Variants in ABCC4 observed in about 807,000 individuals in gnomAD.
ABCC4 encodes the protein ATP binding cassette subfamily C member 4 (PEL blood group).
A neutral mutation model predicts 168.5 loss-of-function variants in ABCC4; 102 were observed. That is an observed-to-expected ratio of 0.61 (90% confidence interval 0.52 to 0.71). The LOEUF (loss-of-function observed/expected upper bound fraction) is 0.71. ABCC4 is among the 30% of genes least tolerant of loss of function. ABCC4 has a pLI of 0.00. For synonymous variants in ABCC4, 617 were observed against 590.7 expected (o/e 1.04, Z -0.65); for missense variants, 1,402 against 1,605.8 (o/e 0.87, Z 2.17).
intron 27 of ABCC4, among the ~76,000 whole-genome samples, chr13:95,045,199 C>T (rs776428048): frequency 1.4e-4 from 21 of 152,168 alleles, no homozygotes; most frequent in African/African-American, 4.1e-4. Context: ...GTGAAAGGAT[C>T]TTTCTGGTTG....
intron 4 of ABCC4, among the ~76,000 whole-genome samples, chr13:95,213,105 C>T (rs574877626): frequency 3.5e-5 from 5 of 144,738 alleles, no homozygotes; most frequent in African/African-American, 1.0e-4. Flanking sequence ...CCAGCTTCGG[C>T]GACTGAGCAA....
chr13:95,061,246 G>A (rs995888275), intron 26 of ABCC4, among the ~76,000 whole-genome samples: 4 of 152,144 alleles, frequency 2.6e-5, no homozygotes, highest in Admixed American at 1.3e-4. Context: ...AAGTGGAACT[G>A]CTGGATCACA....
chr13:95,047,729 C>T (rs1255288465), intron 27 of ABCC4, among the ~76,000 whole-genome samples: 1 of 152,032 alleles, frequency 6.6e-6, no homozygotes, highest in East Asian at 1.9e-4. Context: ...GTGATCCACC[C>T]GCCTCGGCCT....
chr13:95,299,523 C>G (rs1257863562), intron 1 of ABCC4, among the ~76,000 whole-genome samples: 2 of 152,046 alleles, frequency 1.3e-5, no homozygotes, highest in Non-Finnish European at 2.9e-5. Context: ...CATGGGCTGC[C>G]AAATTCGTAA....
chr13:95,282,221 G>A lies in ABCC4; in HGVS notation c.74+19020C>T, dbSNP rs538922060. Among the ~76,000 whole-genome samples the A allele has an allele frequency of 2.6e-5, 4 of 152,234 alleles. No individual in the cohort carries two copies. The South Asian group carries it at 6.2e-4, about 24-fold the overall frequency. On this transcript the variant is annotated intron_variant, in intron 1 of 30. Transcript: ENST00000645237. ...TCAGGACTCCAACATGCGAACTTTG[G>A]GGGGACATAATTCAGCCCGTAATAT...
chr13:95,141,219 G>T (rs941905255), intron 19 of ABCC4, among the ~76,000 whole-genome samples: 1 of 152,202 alleles, frequency 6.6e-6, no homozygotes, highest in Non-Finnish European at 1.5e-5. Context: ...ACAAGTCGGA[G>T]GCAAAGGCAA....
chr13:95,209,886 C>T (rs2038904189), intron 5 of ABCC4, among the ~76,000 whole-genome samples: 1 of 152,246 alleles, frequency 6.6e-6, no homozygotes, highest in Admixed American at 6.5e-5. Context: ...TTCCAGAACT[C>T]TCTGCCACAG....
Position 95,164,366 on chromosome 13 carries a change from G to A in ABCC4, c.2175+12C>T, listed in dbSNP as rs2037203561. On this transcript the variant is annotated intron_variant, in intron 16 of 30. Transcript: ENST00000645237. ...ATCATTTTGAGGGCGCAAAACAAAT[G>A]TCATTATTTACCTGAGCTGCAGTGT... 1 of 1,613,756 alleles carries A rather than the reference G, an allele frequency of 6.2e-7. No homozygotes were observed. Among genetic ancestry groups the A allele is most frequent in the East Asian group, 2.2e-5 (1 of 44,856 alleles).
At chr13:95,059,551 G>A (rs751870382) in intron 26 of ABCC4, among the ~76,000 whole-genome samples, 4 of 152,180 alleles carry the variant, frequency 2.6e-5, no homozygotes, top group Admixed American at 1.3e-4. Flanking sequence ...AGACCGGGGT[G>A]GGGGAAAGCC....
At chr13:95,023,240 G>T (rs2031198624) in intron 30 of ABCC4, among the ~76,000 whole-genome samples, 1 of 152,240 alleles carries the variant, frequency 6.6e-6, no homozygotes, top group Middle Eastern at 3.4e-3. Flanking sequence ...TAAAGAAAGT[G>T]TTGTTATTAG....
At chr13:95,282,086 ACAACAGAGCCACTGCACTCCAGCCTGGG>A (rs1167625441) in intron 1 of ABCC4, among the ~76,000 whole-genome samples, 3 of 151,568 alleles carry the variant, frequency 2.0e-5, no homozygotes, top group African/African-American at 7.3e-5. Context: ...TCCAGCCTGG[ACAACAGAGCCACTGCACTCCAGCCTGGG>A]CAACAGAGAG....
chr13:95,298,104 C>T (rs941089168), intron 1 of ABCC4, among the ~76,000 whole-genome samples: 2 of 152,070 alleles, frequency 1.3e-5, no homozygotes, highest in South Asian at 4.2e-4. Context: ...GCCTGGCCAA[C>T]ATGGTGCAAC....
At chr13:95,104,779 T>G (rs965276012) in intron 20 of ABCC4, among the ~76,000 whole-genome samples, 1 of 152,110 alleles carries the variant, frequency 6.6e-6, no homozygotes, top group African/African-American at 2.4e-5. Flanking sequence ...GGGCAGAGAA[T>G]GGGGTCCGCC....
At chr13:95,211,572 G>A (rs1225453944) in intron 4 of ABCC4, among the ~76,000 whole-genome samples, 1 of 152,152 alleles carries the variant, frequency 6.6e-6, no homozygotes, top group African/African-American at 2.4e-5. Flanking sequence ...AGCAGGTGAA[G>A]CTCATGGAAG....
intron 28 of ABCC4, 54 bp from the exon 29 acceptor site, chr13:95,043,841 A>C (rs1293698264): frequency 3.9e-6 from 5 of 1,266,504 alleles, no homozygotes; most frequent in Non-Finnish European, 5.7e-6. Context: ...AGTAGACTTA[A>C]GACTTAAAAA....
At chr13:95,175,732 T>C (rs990709344) in intron 13 of ABCC4, among the ~76,000 whole-genome samples, 1 of 152,084 alleles carries the variant, frequency 6.6e-6, no homozygotes, top group Non-Finnish European at 1.5e-5. Context: ...GAGAAAAGGG[T>C]GAGAAGGCAG....
intron 26 of ABCC4, among the ~76,000 whole-genome samples, chr13:95,061,148 C>T (rs1221621165): frequency 6.6e-6 from 1 of 152,158 alleles, no homozygotes; most frequent in South Asian, 2.1e-4. Context: ...GCTCATCTGG[C>T]GATGGACACG....
intron 8 of ABCC4, among the ~76,000 whole-genome samples, chr13:95,205,650 G>C (rs975721622): frequency 4.6e-5 from 7 of 152,234 alleles, no homozygotes; most frequent in African/African-American, 1.7e-4. Context: ...GTGTAAAGTG[G>C]ATGCTATGGT....
chr13:95,248,344 C>T (rs2040165147), intron 1 of ABCC4, among the ~76,000 whole-genome samples: 1 of 152,116 alleles, frequency 6.6e-6, no homozygotes. Context: ...GGTTAGAAAA[C>T]ATTTTCAATG....
Sources: gnomAD v4.1 joint callset for allele counts (sites outside exome capture counted in the v4.1 genomes callset) on GRCh38, gnomAD v4.1.1 for gene constraint, MANE v1.5 for transcripts, NCBI Gene and HGNC (gene_info 2026-07-23, HGNC 2026-07-21) for gene names.